The following SYTL2 variants were observed in gnomAD, a reference collection of about 807,000 sequenced individuals.
SYTL2 encodes synaptotagmin-like protein 2.
In SYTL2, 165 loss-of-function variants were observed where a neutral mutation model predicts 198.7. That is an observed-to-expected ratio of 0.83 (90% CI 0.73 to 0.94). The LOEUF is 0.94. Among genes scored for constraint, SYTL2 ranks in the 40% least tolerant of loss-of-function variants. The pLI is 0.00. For missense variants in SYTL2, 2,835 were observed against 2,582.8 expected, an observed-to-expected ratio of 1.10 and a Z score of -2.12; for synonymous variants, 966 against 917.7, an observed-to-expected ratio of 1.05 and a Z score of -0.95.
chr11:85,831,455 T>C, the SYTL2 span, among the ~76,000 whole-genome samples: 2 of 152,116 alleles, frequency 1.3e-5, no homozygotes, highest in South Asian at 2.1e-4. Flanking sequence ...AATTAAACTG[T>C]CCTCAAGTTG....
the SYTL2 span, among the ~76,000 whole-genome samples, chr11:85,835,868 GA>G: frequency 6.6e-6 from 1 of 152,254 alleles, no homozygotes; most frequent in African/African-American, 2.4e-5. Context: ...GTCTTTCTGG[GA>G]CAAGGTTTGA....
At chr11:85,802,509 A>C (rs1410262011) in intron 1 of SYTL2, among the ~76,000 whole-genome samples, 1 of 152,162 alleles carries the variant, frequency 6.6e-6, no homozygotes, top group Non-Finnish European at 1.5e-5. Flanking sequence ...TTTCCCTGGC[A>C]GTTGCTCTCT....
chr11:85,803,510 T>C (rs1006068731), intron 1 of SYTL2, among the ~76,000 whole-genome samples: 1 of 152,226 alleles, frequency 6.6e-6, no homozygotes, highest in Non-Finnish European at 1.5e-5. Flanking sequence ...TTGTTTTTCC[T>C]GGAAGATTAT....
the SYTL2 span, among the ~76,000 whole-genome samples, chr11:85,848,056 C>G: frequency 3.3e-5 from 5 of 151,892 alleles, no homozygotes; most frequent in African/African-American, 9.7e-5. Context: ...ACAAGACCCC[C>G]ATCTCTACAA....
chr11:85,782,007 C>T (rs546367369), intron 1 of SYTL2, among the ~76,000 whole-genome samples: 1 of 152,336 alleles, frequency 6.6e-6, no homozygotes, highest in Admixed American at 6.5e-5. Context: ...CTAGGCAGTG[C>T]CCCAGTGGGG....
intron 7 of SYTL2, among the ~76,000 whole-genome samples, chr11:85,729,621 G>A (rs767077674): frequency 6.6e-6 from 1 of 152,120 alleles, no homozygotes; most frequent in African/African-American, 2.4e-5. Context: ...AGCACTAAAT[G>A]CCCACAGGAG....
At chr11:85,794,855 A>G (rs1473718709) in intron 1 of SYTL2, among the ~76,000 whole-genome samples, 1 of 152,184 alleles carries the variant, frequency 6.6e-6, no homozygotes, top group Non-Finnish European at 1.5e-5. Flanking sequence ...GAATTCATGG[A>G]AAGTAGATCC....
chr11:85,707,506 C>T lies in SYTL2; in HGVS notation c.5941G>A (p.Asp1981Asn). The stretch of plus-strand genomic sequence containing the variant: ...TTCTTCTTGCCCATTTTGCCTTTGT[C>T]TGGTAGCAAATAGGCCTTTACATAT... ...DPYVKAYLLP[D>N]KGKMGKKKTL... The change falls in exon 15 of 20, where the codon GAC (aspartate) becomes AAC (asparagine). Residue 1981 changes from aspartate (D) to asparagine (N), a missense_variant. Coordinates refer to ENST00000359152, the MANE Select transcript of SYTL2 (RefSeq NM_206927.4). 1.9e-6 allele frequency: 3 copies of T among 1,613,616 alleles called. No homozygotes were observed. Among genetic ancestry groups the T allele is most frequent in the Non-Finnish European group, 2.5e-6 (3 of 1,179,718 alleles).
chr11:85,811,899 G>A (rs1395906196), upstream of SYTL2, among the ~76,000 whole-genome samples: 2 of 152,242 alleles, frequency 1.3e-5, no homozygotes, highest in African/African-American at 4.8e-5. Flanking sequence ...TCAGGAGTTC[G>A]GGACCAGCCC....
At chr11:85,704,793 T>C in intron 16 of SYTL2, 65 bp downstream of exon 16, 3 of 1,360,524 alleles carry the variant, frequency 2.2e-6, no homozygotes, top group Non-Finnish European at 3.1e-6. Context: ...GCAATTAAGC[T>C]TTTTCCTATA....
At chr11:85,805,780 AGGCAAATACGTGGAATT>A in intron 1 of SYTL2, among the ~76,000 whole-genome samples, 1 of 152,362 alleles carries the variant, frequency 6.6e-6, no homozygotes. Flanking sequence ...CTAACTCAGA[AGGCAAATACGTGGAATT>A]GTTTGCTACG....
At chr11:85,749,300 TG>T (rs2091367746) in intron 2 of SYTL2, among the ~76,000 whole-genome samples, 1 of 152,044 alleles carries the variant, frequency 6.6e-6, no homozygotes, top group Admixed American at 6.6e-5. Context: ...TAGAATAAAG[TG>T]GAATAAAAGC....
chr11:85,780,066 C>A (rs992380888), intron 1 of SYTL2, among the ~76,000 whole-genome samples: 2 of 152,206 alleles, frequency 1.3e-5, no homozygotes, highest in African/African-American at 2.4e-5. Context: ...CTGTGACTCA[C>A]ACTGGTGAAA....
At chr11:85,773,993 C>T (rs1203750755) in intron 1 of SYTL2, among the ~76,000 whole-genome samples, 2 of 144,896 alleles carry the variant, frequency 1.4e-5, no homozygotes, top group South Asian at 4.6e-4. Context: ...AGGAAAATCT[C>T]TAAAAGGAAT....
At chr11:85,732,947 T>C (rs184191982) in intron 7 of SYTL2, among the ~76,000 whole-genome samples, 3 of 152,258 alleles carry the variant, frequency 2.0e-5, no homozygotes, top group South Asian at 2.1e-4. Context: ...CATGATCATA[T>C]AGGTATAAAA....
chr11:85,802,239 T>A (rs10898411), intron 1 of SYTL2, among the ~76,000 whole-genome samples: 5 of 137,440 alleles, frequency 3.6e-5, no homozygotes, highest in African/African-American at 1.3e-4. Context: ...TTTTTTTTTG[T>A]GAGCCGGAGC....
At chr11:85,728,783 A>G (rs1211456076) in intron 7 of SYTL2, among the ~76,000 whole-genome samples, 1 of 152,222 alleles carries the variant, frequency 6.6e-6, no homozygotes, top group Non-Finnish European at 1.5e-5. Flanking sequence ...TAACTTTCAA[A>G]TAAGACTAAA....
intron 14 of SYTL2, chr11:85,707,897 G>C (rs1468224776): frequency 1.7e-5 from 4 of 239,104 alleles, no homozygotes; most frequent in Non-Finnish European, 3.3e-5. Context: ...ATCACCTGAG[G>C]TCGGGAGTTC....
In SYTL2 at chr11:85,698,182, T is replaced by C. The variant is rs1288006206; in HGVS notation, c.6269-104A>G. 5.6e-6 allele frequency: 4 copies of C among 713,964 alleles called. No homozygotes were observed. The Admixed American group carries it at 8.8e-5, about 16-fold the overall frequency. The allele number at this position is 713,964 out of a possible 1,614,324, so 44.2% of individuals were successfully genotyped here. A position where few individuals can be genotyped will look rare whatever the true frequency, so the allele number is the denominator to read the frequency against. ...AATGTTCTGGCATGGAGATACTAGC[T>C]AGTATTTGATGATATCATCTGAACT... On this transcript the variant is annotated intron_variant, in intron 17 of 19. Transcript: ENST00000359152.
Sources: allele counts gnomAD v4.1 joint callset (sites outside exome capture counted in the v4.1 genomes callset), GRCh38; gene constraint gnomAD v4.1.1; transcripts MANE v1.5; gene names NCBI Gene and HGNC (gene_info 2026-07-23, HGNC 2026-07-21).